The following ERBB4 variants were observed in gnomAD, a reference collection of about 807,000 sequenced individuals.
ERBB4 encodes the protein receptor tyrosine-protein kinase erbB-4.
Under a neutral mutation model 158.0 loss-of-function variants are expected in ERBB4, and 42 were observed. The ratio of observed to expected loss-of-function variants is 0.27; its 90% CI spans 0.21 to 0.34. The LOEUF is 0.34. Ranked by LOEUF, ERBB4 falls within the 10% of genes least tolerant of loss-of-function variation. The probability of loss-of-function intolerance (pLI) is 1.00; values close to 1 mark genes in which losing one functional copy is unlikely to be tolerated. For synonymous variants in ERBB4, 583 were observed against 558.7 expected (o/e 1.04, Z -0.61); for missense variants, 1,333 against 1,624.1 (o/e 0.82, Z 3.08).
chr2:211,391,536 G>C (rs188141498), intron 25 of ERBB4, among the ~76,000 whole-genome samples: 4 of 152,010 alleles, frequency 2.6e-5, no homozygotes, highest in East Asian at 1.9e-4. Context: ...TGTTCCTGGT[G>C]GGGGGGTTTG....
intron 3 of ERBB4, among the ~76,000 whole-genome samples, chr2:211,882,853 T>C (rs1195600506): frequency 6.6e-6 from 1 of 152,284 alleles, no homozygotes; most frequent in Admixed American, 6.5e-5. Flanking sequence ...ATGTAATTTA[T>C]CTTCACTTCA....
intron 1 of ERBB4, among the ~76,000 whole-genome samples, chr2:212,235,487 T>G (rs1428696227): frequency 6.6e-6 from 1 of 152,174 alleles, no homozygotes; most frequent in African/African-American, 2.4e-5. Flanking sequence ...TTAAAGTAGT[T>G]GGTTTTAATT....
At chr2:211,875,765 G>A (rs1043952622) in intron 3 of ERBB4, among the ~76,000 whole-genome samples, 1 of 152,106 alleles carries the variant, frequency 6.6e-6, no homozygotes, top group Non-Finnish European at 1.5e-5. Flanking sequence ...TTCATGGAAG[G>A]TGTCCTACAC....
Position 211,788,012 on chromosome 2 carries a change from T to G in ERBB4, c.556+13A>C, listed in dbSNP as rs2076206046. 1 of 1,612,660 alleles carries G rather than the reference T, an allele frequency of 6.2e-7. No individual in the cohort carries two copies. Among genetic ancestry groups the G allele is most frequent in the Non-Finnish European group, 8.5e-7 (1 of 1,178,936 alleles). ...GAACATTTTGAGAAATTAAAAAGAA[T>G]AATTCTACTTACATCCTGAACTACC... On this transcript the variant is annotated intron_variant, in intron 4 of 27. Transcript: ENST00000342788.
intron 1 of ERBB4, among the ~76,000 whole-genome samples, chr2:212,489,867 C>T (rs1470177264): frequency 6.6e-6 from 1 of 151,690 alleles, no homozygotes; most frequent in African/African-American, 2.4e-5. Context: ...ACCAAGTCTC[C>T]CCATTGCTTA....
intron 5 of ERBB4, among the ~76,000 whole-genome samples, chr2:211,734,882 C>T (rs1425543117): frequency 7.7e-6 from 1 of 129,600 alleles, no homozygotes; most frequent in Non-Finnish European, 1.5e-5. Flanking sequence ...CACTGCAATC[C>T]AGCCTGGGCG....
intron 1 of ERBB4, among the ~76,000 whole-genome samples, chr2:212,433,851 T>C (rs1225009411): frequency 8.5e-5 from 13 of 152,152 alleles, no homozygotes; most frequent in Middle Eastern, 3.4e-3. Context: ...CATGGCAGTG[T>C]GCATTCAAAT....
At chr2:212,431,123 G>T (rs538602373) in intron 1 of ERBB4, among the ~76,000 whole-genome samples, 1 of 151,336 alleles carries the variant, frequency 6.6e-6, no homozygotes, top group East Asian at 2.0e-4. Context: ...AGAACCTCAC[G>T]CTCCTATATC....
intron 16 of ERBB4, 164 bp downstream of exon 16, chr2:211,657,590 G>A (rs1371814936): frequency 1.5e-6 from 1 of 659,200 alleles, no homozygotes; most frequent in Non-Finnish European, 2.8e-6. Context: ...AAGTAAGAAA[G>A]TTGGCTTGAG....
intron 1 of ERBB4, among the ~76,000 whole-genome samples, chr2:212,280,095 T>C (rs1301057538): frequency 6.6e-6 from 1 of 151,552 alleles, no homozygotes; most frequent in Non-Finnish European, 1.5e-5. Context: ...ATAAATTATT[T>C]GAAAAATAAA....
rs139777795 is a variant in ERBB4, at chr2:212,305,449, A to G, written c.83-180546T>C. On this transcript the variant is annotated intron_variant, in intron 1 of 27. Transcript: ENST00000342788. ...ATTGGTCAAGATTGTACAGAAAAAT[A>G]CACTCCATATTTCTGTAACTCTGTT... Among the ~76,000 whole-genome samples, 753 of 151,484 alleles carry G rather than the reference A, an allele frequency of 5.0e-3. 4 individuals carry two copies. Among genetic ancestry groups the G allele is most frequent in the African/African-American group, 0.016 (670 of 41,478 alleles).
intron 20 of ERBB4, among the ~76,000 whole-genome samples, chr2:211,474,785 G>C (rs1178187339): frequency 6.6e-6 from 1 of 152,056 alleles, no homozygotes; most frequent in Non-Finnish European, 1.5e-5. Context: ...GAGCTTCTTA[G>C]AAAGTCTAGA....
At chr2:211,494,644 T>A (rs962250973) in intron 20 of ERBB4, among the ~76,000 whole-genome samples, 2 of 152,144 alleles carry the variant, frequency 1.3e-5, no homozygotes, top group Admixed American at 1.3e-4. Context: ...TGCCACCTAA[T>A]GATTCTCTGA....
chr2:212,101,582 A>G (rs986255225), intron 2 of ERBB4, among the ~76,000 whole-genome samples: 1 of 151,896 alleles, frequency 6.6e-6, no homozygotes, highest in Admixed American at 6.6e-5. Flanking sequence ...CAGAGCAGTA[A>G]GAATTAAAAT....
At chr2:212,317,935 A>T (rs908572771) in intron 1 of ERBB4, among the ~76,000 whole-genome samples, 20 of 151,764 alleles carry the variant, frequency 1.3e-4, no homozygotes, top group African/African-American at 4.1e-4. Flanking sequence ...TCTTTTCAAA[A>T]TCCACACAAA....
chr2:212,208,355 T>G (rs1345329271), intron 1 of ERBB4, among the ~76,000 whole-genome samples: 1 of 152,160 alleles, frequency 6.6e-6, no homozygotes, highest in East Asian at 1.9e-4. Context: ...TCTTTTCTCA[T>G]TATTTGTTCT....
At chr2:211,752,676 A>G (rs1421460424) in intron 4 of ERBB4, among the ~76,000 whole-genome samples, 3 of 152,094 alleles carry the variant, frequency 2.0e-5, no homozygotes, top group African/African-American at 7.2e-5. Flanking sequence ...CTTATTCTTG[A>G]AATTCCAATT....
chr2:211,678,465 A>G (rs1036024860), intron 13 of ERBB4, among the ~76,000 whole-genome samples: 4 of 152,170 alleles, frequency 2.6e-5, no homozygotes, highest in Non-Finnish European at 5.9e-5. Context: ...ATATTTCTCA[A>G]TTTTGCTTAA....
At chr2:211,973,087 A>G (rs1348613142) in intron 2 of ERBB4, among the ~76,000 whole-genome samples, 2 of 152,116 alleles carry the variant, frequency 1.3e-5, no homozygotes, top group Non-Finnish European at 2.9e-5. Context: ...AAGAAAACAA[A>G]CGACCCCACA....
Sources: allele counts gnomAD v4.1 joint callset (sites outside exome capture counted in the v4.1 genomes callset), GRCh38; gene constraint gnomAD v4.1.1; transcripts MANE v1.5; gene names NCBI Gene and HGNC (gene_info 2026-07-23, HGNC 2026-07-21).